The following MIGA2 variants were observed in gnomAD, a reference collection of about 807,000 sequenced individuals.
The protein encoded by MIGA2 is mitoguardin 2.
A neutral mutation model predicts 69.9 loss-of-function variants in MIGA2; 36 were observed. That is an observed-to-expected ratio of 0.52 (90% confidence interval 0.39 to 0.68). The LOEUF (loss-of-function observed/expected upper bound fraction) is 0.68, where lower values mean the gene tolerates loss of function less well. Among genes scored for constraint, MIGA2 ranks in the 30% least tolerant of loss-of-function variants. MIGA2 has a pLI of 0.00. For missense variants in MIGA2, 660 were observed against 787.7 expected, an observed-to-expected ratio of 0.84 and a Z score of 1.94; for synonymous variants, 333 against 349.2, an observed-to-expected ratio of 0.95 and a Z score of 0.52.
chr9:129,068,464 C>A lies in MIGA2; in HGVS notation c.1404+132C>A. The A allele has an allele frequency of 7.7e-7, 1 of 1,293,850 alleles. No homozygotes were observed. Among genetic ancestry groups the A allele is most frequent in the Non-Finnish European group, 1.1e-6 (1 of 944,208 alleles). 80.1% of individuals were successfully genotyped at this position (1,293,850 alleles called of 1,614,324 possible). ...ACCCCCTAGATCCGCGGCTGCCAGGCCTGGGAGACCAGAGTCTGCCCTGGA... is the reference window on the plus strand; with the variant it reads ...ACCCCCTAGATCCGCGGCTGCCAGGACTGGGAGACCAGAGTCTGCCCTGGA... On this transcript the variant is annotated intron_variant, in intron 13 of 15. Coordinates refer to ENST00000684074, the MANE Select transcript of MIGA2 (RefSeq NM_001329990.2). This position sits in a 1 kb window ranked among gnomAD's most constrained non-coding sequence, Gnocchi z 4.1.
At chr9:129,043,637 T>C (rs1480220685) in intron 3 of MIGA2, among the ~76,000 whole-genome samples, 1 of 151,850 alleles carries the variant, frequency 6.6e-6, no homozygotes, top group African/African-American at 2.4e-5. Flanking sequence ...TCCGCCCACC[T>C]CAGCCTCCCA....
chr9:129,059,268 C>T lies in MIGA2; in HGVS notation c.790C>T (p.Leu264Phe). 1 of 1,571,178 alleles carries T rather than the reference C, an allele frequency of 6.4e-7. No individual in the cohort carries two copies. The highest frequency in any genetic ancestry group is 8.6e-7 in the Non-Finnish European group (1 of 1,156,676). Residue 264 changes from leucine to phenylalanine, a missense_variant, in exon 7 of 16, where the codon CTC becomes TTC. By Grantham distance (22) the Leu-to-Phe change is conservative (BLOSUM62 0). Around this residue, in one of 3 missense-constraint regions of MIGA2, gnomAD observed 386 missense variants for 402.0 expected, o/e 0.96. Transcript: ENST00000684074. The surrounding 1 kb of genome is among the most constrained non-coding windows in gnomAD (Gnocchi z 5.6). ...TFPADSMLLDLERTLMLPLTE... is the reference protein window; with the variant it reads ...TFPADSMLLDFERTLMLPLTE... ...CCCCGCAGACAGCATGCTGCTAGAC[C>T]TCGGTGAGCTGGGCCCAGTGCAGGT...
At chr9:129,054,069 A>G (rs116435070) in intron 6 of MIGA2, among the ~76,000 whole-genome samples, 358 of 152,274 alleles carry the variant, frequency 2.4e-3, no homozygotes, top group African/African-American at 8.4e-3. Context: ...TTCACATAGC[A>G]TCTAAACTGT....
chr9:129,039,169 CTTTG>C lies in MIGA2; in HGVS notation c.-143-1277_-143-1274del, dbSNP rs1296554141. On this transcript the variant is annotated intron_variant, in intron 1 of 15. Transcript: ENST00000684074. ...ACAAAATACGTAGCGTGGAGTAGCT[CTTTG>C]TTTGTGTGTGTGTGTGTGTGTGTGT... Among the ~76,000 whole-genome samples the C allele has an allele frequency of 1.0e-3, 130 of 127,982 alleles. 1 individual carries two copies. The highest frequency in any genetic ancestry group is 3.0e-3 in the African/African-American group (98 of 32,912). 84.0% of individuals were successfully genotyped at this position (127,982 alleles called of 152,430 possible). A position where few individuals can be genotyped will look rare whatever the true frequency, so the allele number is the denominator to read the frequency against.
At chr9:129,070,203 G>A (rs1010148706) in intron 15 of MIGA2, 44 bp from the exon 16 acceptor site, 69 of 1,590,088 alleles carry the variant, frequency 4.3e-5, no homozygotes, top group Non-Finnish European at 5.8e-5. Context: ...GCATCATGGT[G>A]GGCAGTGGCT....
In MIGA2 at chr9:129,049,969, T is replaced by C. The variant is rs559078826; in HGVS notation, c.675+6T>C. On this transcript the variant is annotated splice_donor_region_variant and intron_variant, in intron 6 of 15. Coordinates refer to ENST00000684074, the MANE Select transcript of MIGA2 (RefSeq NM_001329990.2). ...CATCAGAGCCACTGTCTGAGGTAGG[T>C]GGTCTTCTGCATCCCCCTACGCCCA... 2 of 1,610,068 alleles carry C rather than the reference T, an allele frequency of 1.2e-6. No individual in the cohort carries two copies. Among genetic ancestry groups the C allele is most frequent in the Admixed American group, 1.7e-5 (1 of 59,060 alleles).
Position 129,070,411 on chromosome 9 carries a change from G to A in MIGA2, c.1740G>A (p.Gly580=), listed in dbSNP as rs1324400517. Residue 580 remains glycine, a synonymous_variant, in exon 16 of 16, where the codon GGG becomes GGA. Transcript: ENST00000684074. ...VPAASSAGVN[G]ALPRENGPLG... ...CGGCCAGCAGCGCAGGCGTGAATGG[G>A]GCGCTGCCCCGAGAGAATGGGCCCC... is the stretch of plus-strand genomic sequence containing the variant. 2 of 1,605,926 alleles carry A rather than the reference G, an allele frequency of 1.2e-6. No individual in the cohort carries two copies. Among genetic ancestry groups the A allele is most frequent in the Non-Finnish European group, 1.7e-6 (2 of 1,175,282 alleles).
intron 1 of MIGA2, 162 bp downstream of exon 1, chr9:129,036,843 G>A (rs993891385): frequency 6.0e-6 from 4 of 671,844 alleles, no homozygotes; most frequent in African/African-American, 4.0e-5. Context: ...GGTGCGAGAG[G>A]GTGCCTTGCT....
chr9:129,042,222 C>T (rs1217674772), intron 2 of MIGA2, 82 bp from the exon 3 acceptor site: 15 of 1,401,998 alleles, frequency 1.1e-5, no homozygotes, highest in Non-Finnish European at 1.4e-5. Flanking sequence ...TGTGTCCCGT[C>T]CCTGAGGTGC....
chr9:129,038,565 C>A (rs1313191854), intron 1 of MIGA2, among the ~76,000 whole-genome samples: 1 of 152,024 alleles, frequency 6.6e-6, no homozygotes, highest in East Asian at 1.9e-4. Context: ...GGAAAGCTGC[C>A]CAGTACTCTG....
intron 3 of MIGA2, among the ~76,000 whole-genome samples, chr9:129,047,722 TTA>T (rs957697764): frequency 8.6e-5 from 13 of 151,210 alleles, no homozygotes; most frequent in African/African-American, 2.9e-4. Flanking sequence ...CTAAAAAAAT[TTA>T]TATATATATA....
At chr9:129,067,220 GC>G (rs1846406882) in intron 11 of MIGA2, among the ~76,000 whole-genome samples, 1 of 151,796 alleles carries the variant, frequency 6.6e-6, no homozygotes, top group African/African-American at 2.4e-5. Context: ...CATCGTAAAT[GC>G]AGACCCACAT....
chr9:129,039,135 G>C (rs1448314731), intron 1 of MIGA2, among the ~76,000 whole-genome samples: 1 of 151,094 alleles, frequency 6.6e-6, no homozygotes, highest in African/African-American at 2.4e-5. Flanking sequence ...TGGATGTAAA[G>C]AATGCAGCAC....
chr9:129,070,755 C>G lies in MIGA2; in HGVS notation c.*302C>G. On this transcript the variant is annotated 3_prime_UTR_variant, in exon 16 of 16. Coordinates refer to ENST00000684074, the MANE Select transcript of MIGA2 (RefSeq NM_001329990.2). ...GGGGACCCCAAAACCTCCCATCGCT[C>G]CAGGGCTGCTGACAAGGGTGCTGGG... 2.3e-6 allele frequency: 1 copy of G among 432,286 alleles called. No individual in the cohort carries two copies. The highest frequency in any genetic ancestry group is 4.2e-6 in the Non-Finnish European group (1 of 237,978). 26.8% of individuals were successfully genotyped at this position (432,286 alleles called of 1,614,324 possible).
intron 9 of MIGA2, among the ~76,000 whole-genome samples, chr9:129,062,478 G>C (rs943766033): frequency 2.0e-5 from 3 of 149,942 alleles, no homozygotes; most frequent in African/African-American, 7.4e-5. Flanking sequence ...GTTGCAGTGA[G>C]TGGAGATCGT....
At chr9:129,048,641 CAT>C in intron 4 of MIGA2, 102 bp downstream of exon 4, 1 of 866,660 alleles carries the variant, frequency 1.2e-6, no homozygotes, top group Non-Finnish European at 1.9e-6. Flanking sequence ...TCCATTCATT[CAT>C]TCTCTCTCTC....
intron 6 of MIGA2, among the ~76,000 whole-genome samples, chr9:129,055,871 C>T (rs1224877534): frequency 2.0e-5 from 3 of 151,684 alleles, no homozygotes; most frequent in Admixed American, 6.6e-5. Flanking sequence ...AAAATTTGGC[C>T]GGGTGCAGTA....
At position 129,069,943 on chromosome 9, in the gene MIGA2, C is replaced by A; in HGVS notation, c.1553C>A (p.Ala518Asp). The A allele has an allele frequency of 6.2e-7, 1 of 1,609,702 alleles. No homozygotes were observed. Among genetic ancestry groups the A allele is most frequent in the Non-Finnish European group, 8.5e-7 (1 of 1,177,862 alleles). Residue 518 changes from alanine (A) to aspartate (D), a missense_variant, in exon 15 of 16, where the codon GCT becomes GAT. Around this residue, in one of 3 missense-constraint regions of MIGA2, gnomAD observed 220 missense variants for 301.7 expected, o/e 0.73. Coordinates refer to ENST00000684074, the MANE Select transcript of MIGA2 (RefSeq NM_001329990.2). This position sits in a 1 kb window ranked among gnomAD's most constrained non-coding sequence, Gnocchi z 4.9. ...FGFLGPKPQL[A>D]EVCAFFKHQI... The stretch of plus-strand genomic sequence containing the variant: ...TTCCTTGGACCCAAGCCTCAGCTTG[C>A]TGAAGTCTGTGCTTTCTTCAAGGTA...
chr9:129,069,804 C>A lies in MIGA2; in HGVS notation c.1459-45C>A. 7.1e-7 allele frequency: 1 copy of A among 1,400,812 alleles called. No homozygotes were observed. The highest frequency in any genetic ancestry group is 1.2e-5 in the South Asian group (1 of 86,722). The allele number at this position is 1,400,812 out of a possible 1,614,324, so 86.8% of individuals were successfully genotyped here. On this transcript the variant is annotated intron_variant, in intron 14 of 15. Coordinates refer to ENST00000684074, the MANE Select transcript of MIGA2 (RefSeq NM_001329990.2). The surrounding 1 kb of genome is among the most constrained non-coding windows in gnomAD (Gnocchi z 4.9). ...CGACACCTGGGCCTGGTGCCCTCAT[C>A]CTACCTGGGCCCCGCCTGGCCCCTC...
Sources: gnomAD v4.1 joint callset for allele counts (sites outside exome capture counted in the v4.1 genomes callset) on GRCh38, gnomAD v4.1.1 for gene constraint, gnomAD v4.1.1 regional missense constraint, Gnocchi (gnomAD v3.1) non-coding constraint, MANE v1.5 for transcripts, NCBI Gene and HGNC (gene_info 2026-07-23, HGNC 2026-07-21) for gene names.